TGFBR3: variants seen among roughly 807,000 people sequenced by gnomAD.
TGFBR3 encodes the protein transforming growth factor beta receptor type 3.
Under a neutral mutation model 87.9 loss-of-function variants are expected in TGFBR3, and 46 were observed. The ratio of observed to expected loss-of-function variants is 0.52; its 90% confidence interval spans 0.41 to 0.67. TGFBR3 has a LOEUF of 0.67. TGFBR3 is among the 30% of genes least tolerant of loss of function. The pLI is 0.00. For missense variants in TGFBR3, 866 were observed against 1,041.9 expected, an observed-to-expected ratio of 0.83 and a Z score of 2.32; for synonymous variants, 381 against 391.6, an observed-to-expected ratio of 0.97 and a Z score of 0.32.
At chr1:91,838,247 G>A (rs1343121742) in intron 2 of TGFBR3, among the ~76,000 whole-genome samples, 2 of 152,098 alleles carry the variant, frequency 1.3e-5, no homozygotes, top group Admixed American at 6.6e-5. Flanking sequence ...TAAAATTACT[G>A]AGGACTCCAA....
chr1:91,684,783 C>T (rs1207934402), intron 16 of TGFBR3, among the ~76,000 whole-genome samples: 1 of 152,152 alleles, frequency 6.6e-6, no homozygotes, highest in East Asian at 1.9e-4. Context: ...GATCAGGGCT[C>T]TCCAATAAAA....
intron 14 of TGFBR3, among the ~76,000 whole-genome samples, chr1:91,707,607 C>T (rs1380867323): frequency 6.6e-6 from 1 of 152,226 alleles, no homozygotes; most frequent in Non-Finnish European, 1.5e-5. Flanking sequence ...AGTGTGCTGG[C>T]TTTTGTCAAG....
At chr1:91,887,863 A>C (rs1050682296), upstream of TGFBR3, among the ~76,000 whole-genome samples, 5 of 152,222 alleles carry the variant, frequency 3.3e-5, no homozygotes, top group African/African-American at 7.2e-5. Flanking sequence ...TAGGCATAAT[A>C]TTCTGAAGGA....
At position 91,681,844 on chromosome 1, in the gene TGFBR3, A is replaced by G; in HGVS notation, c.*1895T>C. 3 of 453,550 alleles carry G rather than the reference A, an allele frequency of 6.6e-6. No homozygotes were observed. Among genetic ancestry groups the G allele is most frequent in the Non-Finnish European group, 8.8e-6 (2 of 226,670 alleles). 28.1% of individuals were successfully genotyped at this position (453,550 alleles called of 1,614,324 possible). On this transcript the variant is annotated 3_prime_UTR_variant, in exon 17 of 17. Transcript: ENST00000212355. ...TTCCACCGAAGGTTAGGCAAAGCGC[A>G]ATATTTTCAAACACAGGTAGCGTAA...
upstream of TGFBR3, among the ~76,000 whole-genome samples, chr1:91,888,038 A>G (rs1166385034): frequency 6.6e-6 from 1 of 151,488 alleles, no homozygotes; most frequent in Non-Finnish European, 1.5e-5. Context: ...GTGTCCTAGG[A>G]GGAACCCAAT....
At chr1:91,903,337 TCAAAAA>T (rs1679772875) in intron 1 of TGFBR3, among the ~76,000 whole-genome samples, 1 of 3,004 alleles carries the variant, frequency 3.3e-4, no homozygotes, top group Non-Finnish European at 3.0e-3. Flanking sequence ...AGATTCTGCC[TCAAAAA>T]AAAAAAAAAA....
chr1:91,821,735 C>A (rs982874604), intron 2 of TGFBR3, among the ~76,000 whole-genome samples: 3 of 152,158 alleles, frequency 2.0e-5, no homozygotes, highest in Admixed American at 2.0e-4. Flanking sequence ...AAAGACCTGG[C>A]TTTGAATCCT....
chr1:91,852,603 G>A (rs1030267023), intron 2 of TGFBR3, among the ~76,000 whole-genome samples: 7 of 152,096 alleles, frequency 4.6e-5, no homozygotes. Context: ...TTTCGCTCTT[G>A]TTGCCCAGGC....
At chr1:91,794,571 T>C (rs1461809087) in intron 3 of TGFBR3, among the ~76,000 whole-genome samples, 1 of 152,192 alleles carries the variant, frequency 6.6e-6, no homozygotes, top group African/African-American at 2.4e-5. Context: ...CCTCTAGCCC[T>C]AAGCAATGAC....
intron 2 of TGFBR3, among the ~76,000 whole-genome samples, chr1:91,832,566 A>AT (rs1451014679): frequency 6.6e-6 from 1 of 152,230 alleles, no homozygotes; most frequent in Non-Finnish European, 1.5e-5. Context: ...GTAGAGTGAT[A>AT]TTAAGTAACT....
Position 91,729,902 on chromosome 1 carries a change from G to C in TGFBR3, c.640C>G (p.Gln214Glu), listed in dbSNP as rs1336842025. The C allele has an allele frequency of 6.2e-7, 1 of 1,614,186 alleles. No homozygotes were observed. The highest frequency in any genetic ancestry group is 8.5e-7 in the Non-Finnish European group (1 of 1,180,024). The change falls in exon 6 of 17, where the codon CAA becomes GAA. Residue 214 changes from glutamine (Q) to glutamate (E), a missense_variant. Transcript: ENST00000212355. ...LSLNYLAEYL[Q>E]PKAAEGCVMS... is the part of the protein sequence containing the mutation. ...ACACACCCTTCTGCTGCTTTGGGTT[G>C]AAGGTACTCAGCAAGGTAATTGAGT...
At chr1:91,785,732 A>C (rs1674932451) in intron 3 of TGFBR3, among the ~76,000 whole-genome samples, 1 of 150,792 alleles carries the variant, frequency 6.6e-6, no homozygotes, top group Non-Finnish European at 1.5e-5. Flanking sequence ...CCTCACTTCC[A>C]GAGAGAATGA....
rs544669590 is a variant in TGFBR3, at chr1:91,883,246, C to T, written c.-114+2632G>A. Among the ~76,000 whole-genome samples the T allele has an allele frequency of 2.6e-5, 4 of 152,238 alleles. No individual in the cohort carries two copies. The South Asian group carries it at 8.3e-4, about 32-fold the overall frequency. On this transcript the variant is annotated intron_variant, in intron 1 of 16. Coordinates refer to ENST00000212355, the MANE Select transcript of TGFBR3 (RefSeq NM_003243.5). ...GTCTCGAACTCCTTGGCCAAGTGAT[C>T]CTCCTACCTCAGCCTCCCAAAGTGT...
At chr1:91,729,197 C>CACACACACACA in intron 6 of TGFBR3, among the ~76,000 whole-genome samples, 1 of 86,902 alleles carries the variant, frequency 1.2e-5, no homozygotes, top group Non-Finnish European at 2.6e-5. Flanking sequence ...ACACACACAC[C>CACACACACACA]AAGCACACAA....
intron 3 of TGFBR3, among the ~76,000 whole-genome samples, chr1:91,794,880 C>A (rs144959178): frequency 8.5e-4 from 130 of 152,356 alleles, no homozygotes; most frequent in African/African-American, 3.0e-3. Flanking sequence ...GTTTTCACTT[C>A]TCTCGGGTAT....
chr1:91,724,887 A>T (rs1010151109), intron 7 of TGFBR3, among the ~76,000 whole-genome samples: 7 of 152,234 alleles, frequency 4.6e-5, no homozygotes, highest in Non-Finnish European at 8.8e-5. Context: ...GGGAGGACTA[A>T]GGAAGGGAAT....
intron 1 of TGFBR3, among the ~76,000 whole-genome samples, chr1:91,900,043 G>A (rs1170680912): frequency 3.3e-5 from 5 of 151,632 alleles, no homozygotes; most frequent in African/African-American, 1.2e-4. Context: ...ATTTGGAGTA[G>A]TTAAAAAAAA....
chr1:91,865,202 C>CAAAA (rs67134125), intron 1 of TGFBR3, among the ~76,000 whole-genome samples: 8 of 105,254 alleles, frequency 7.6e-5, no homozygotes, highest in African/African-American at 1.9e-4. Context: ...GACTCCATCT[C>CAAAA]AAAAAAAAAA....
intron 4 of TGFBR3, among the ~76,000 whole-genome samples, chr1:91,745,887 C>T (rs751241898): frequency 7.2e-5 from 11 of 152,184 alleles, no homozygotes; most frequent in Non-Finnish European, 1.3e-4. Context: ...GCCAATCATG[C>T]ATTCATGAAA....
Sources: allele counts gnomAD v4.1 joint callset (sites outside exome capture counted in the v4.1 genomes callset), GRCh38; gene constraint gnomAD v4.1.1; transcripts MANE v1.5; gene names NCBI Gene and HGNC (gene_info 2026-07-23, HGNC 2026-07-21).